Variants in ZNF626 observed in about 807,000 individuals in gnomAD.
The protein encoded by ZNF626 is CTC-513N18.7.
In ZNF626, 4 loss-of-function variants were observed where a neutral mutation model predicts 11.7. The observed-to-expected ratio is 0.34, with a 90% CI of 0.17 to 0.78. The LOEUF is 0.78. Ranked by LOEUF, ZNF626 falls within the 30% of genes least tolerant of loss-of-function variation. The pLI, the probability that ZNF626 is intolerant of heterozygous loss-of-function variation, is 0.57. For synonymous variants in ZNF626, 179 were observed against 198.6 expected (o/e 0.90, Z 0.83); for missense variants, 588 against 587.1 (o/e 1.00, Z -0.01).
Position 20,625,326 on chromosome 19 carries a change from T to G in ZNF626, c.551A>C (p.Gln184Pro), listed in dbSNP as rs2144762383. Residue 184 changes from glutamine to proline, a missense_variant, in exon 4 of 4, where the codon CAG (glutamine) becomes CCG (proline). Physicochemically the swap from Gln to Pro is moderately conservative, Grantham distance 76. Transcript: ENST00000601440. Reference sequence around the variant, plus strand: ...CTTATGTGTAGTAAGAGTTGAGAACTGCTTAAAAGCTTTGCCACATTCTAT... The same window carrying G: ...CTTATGTGTAGTAAGAGTTGAGAACGGCTTAAAAGCTTTGCCACATTCTAT... Reference protein sequence around the residue: ...KYIECGKAFKQFSTLTTHKKI... With the variant: ...KYIECGKAFKPFSTLTTHKKI... The G allele has an allele frequency of 6.2e-7, 1 of 1,613,648 alleles. No homozygotes were observed. The highest frequency in any genetic ancestry group is 8.5e-7 in the Non-Finnish European group (1 of 1,179,660).
intron 3 of ZNF626, among the ~76,000 whole-genome samples, chr19:20,627,247 A>G (rs868962053): frequency 3.3e-5 from 5 of 152,182 alleles, no homozygotes; most frequent in African/African-American, 1.2e-4. Context: ...ATTTGTAACA[A>G]ACACACATAC....
chr19:20,639,776 C>T (rs10407926), intron 3 of ZNF626, among the ~76,000 whole-genome samples: 30 of 152,146 alleles, frequency 2.0e-4, no homozygotes, highest in African/African-American at 7.0e-4. Flanking sequence ...TAAAATTACA[C>T]ACTGTGTGTT....
At chr19:20,625,758 A>G (rs760338953) in intron 3 of ZNF626, 108 bp from the exon 4 acceptor site, 2 of 1,116,974 alleles carry the variant, frequency 1.8e-6, no homozygotes, top group Non-Finnish European at 2.4e-6. Flanking sequence ...GCAAGATGAC[A>G]CAGGAAAATA....
At chr19:20,660,485 G>C (rs1315266837) in intron 1 of ZNF626, among the ~76,000 whole-genome samples, 1 of 152,060 alleles carries the variant, frequency 6.6e-6, no homozygotes, top group Non-Finnish European at 1.5e-5. Context: ...GGAGCGCGAT[G>C]ATTGGATCTC....
Position 20,625,293 on chromosome 19 carries a change from T to C in ZNF626, c.584A>G (p.His195Arg), listed in dbSNP as rs1402609225. ...ACATTTGTAGGGTTTCCCTCCAGTA[T>C]GAATTTTCTTATGTGTAGTAAGAGT... ...FSTLTTHKKI[H>R]TGGKPYKCEE... The change falls in exon 4 of 4, where the codon CAT becomes CGT. Residue 195 changes from histidine (H) to arginine (R), a missense_variant. By Grantham distance (29) the His-to-Arg change is conservative (BLOSUM62 0). Around this residue, in one of 4 missense-constraint regions of ZNF626, gnomAD observed 524 missense variants for 470.1 expected, o/e 1.11. Transcript: ENST00000601440. 7 of 1,613,924 alleles carry C rather than the reference T, an allele frequency of 4.3e-6. No homozygotes were observed. The South Asian group carries it at 4.4e-5, about 10-fold the overall frequency.
chr19:20,650,742 C>T (rs1555772515), intron 1 of ZNF626, among the ~76,000 whole-genome samples: 1 of 152,124 alleles, frequency 6.6e-6, no homozygotes, highest in African/African-American at 2.4e-5. Context: ...CTAAAATAAA[C>T]TTAAATCCCA....
intron 3 of ZNF626, chr19:20,644,973 T>C (rs1555771758): frequency 2.6e-5 from 4 of 152,478 alleles, no homozygotes; most frequent in African/African-American, 7.3e-5. Context: ...AATTTTAAAA[T>C]ATTTTGTCTA....
chr19:20,625,388 T>C lies in ZNF626; in HGVS notation c.489A>G (p.Gln163=), dbSNP rs781820296. Residue 163 remains glutamine, a synonymous_variant, in exon 4 of 4, where the codon CAA becomes CAG. Coordinates refer to ENST00000601440, the MANE Select transcript of ZNF626 (RefSeq NM_001076675.3). Reference sequence around the variant, plus strand: ...GTTTTTTCCCAGTATGTCCTCTCTTTTGTCCGTTTGAATTTGGAAATTGAT... The same window carrying C: ...GTTTTTTCCCAGTATGTCCTCTCTTCTGTCCGTTTGAATTTGGAAATTGAT... ...VLHQFPNSNG[Q]KRGHTGKKPF... 2.5e-6 allele frequency: 4 copies of C among 1,614,112 alleles called. No individual in the cohort carries two copies. The highest frequency in any genetic ancestry group is 3.3e-5 in the Admixed American group (2 of 59,972).
rs1970267902 is a variant in ZNF626, at chr19:20,661,493, T to C, written c.-47A>G. On this transcript the variant is annotated 5_prime_UTR_variant, in exon 1 of 4. Coordinates refer to ENST00000601440, the MANE Select transcript of ZNF626 (RefSeq NM_001076675.3). ...GGTGTCTTAGCTGTGGATCTCCCAA[T>C]ACCTGCAGGACACGGGGCCACACAG... is the stretch of plus-strand genomic sequence containing the variant. 1 of 1,610,778 alleles carries C rather than the reference T, an allele frequency of 6.2e-7. No individual in the cohort carries two copies. Among genetic ancestry groups the C allele is most frequent in the African/African-American group, 1.3e-5 (1 of 74,816 alleles).
chr19:20,654,055 A>G (rs11878759), intron 1 of ZNF626, among the ~76,000 whole-genome samples: 3,028 of 152,338 alleles, frequency 0.02, 112 homozygotes, highest in African/African-American at 0.069. Context: ...ATTTGGTTGT[A>G]AATATTCTTT....
intron 3 of ZNF626, among the ~76,000 whole-genome samples, chr19:20,640,382 G>C (rs1970011438): frequency 6.6e-6 from 1 of 151,150 alleles, no homozygotes; most frequent in Non-Finnish European, 1.5e-5. Flanking sequence ...TTAAATGCCT[G>C]AGCAACAAAT....
chr19:20,661,334 G>A lies in ZNF626; in HGVS notation c.3+110C>T, dbSNP rs1412583409. On this transcript the variant is annotated intron_variant, in intron 1 of 3. Transcript: ENST00000601440. Reference sequence around the variant, plus strand: ...CCGAGCTGAGCAAGGAGAACTGGGGGAGCAGACTGTGGAGCTGACTGCGGG... The same window carrying A: ...CCGAGCTGAGCAAGGAGAACTGGGGAAGCAGACTGTGGAGCTGACTGCGGG... The A allele has an allele frequency of 5.7e-6, 8 of 1,400,114 alleles. No individual in the cohort carries two copies. The Admixed American group carries it at 8.4e-5, about 15-fold the overall frequency. The allele number at this position is 1,400,114 out of a possible 1,614,324, so 86.7% of individuals were successfully genotyped here. A position where few individuals can be genotyped will look rare whatever the true frequency, so the allele number is the denominator to read the frequency against.
At chr19:20,643,275 A>G (rs1225318832) in intron 3 of ZNF626, among the ~76,000 whole-genome samples, 2 of 152,090 alleles carry the variant, frequency 1.3e-5, no homozygotes, top group Admixed American at 1.3e-4. Context: ...AGCAAAGAAT[A>G]GCCTTACATT....
chr19:20,635,306 T>A (rs11085368), intron 3 of ZNF626, among the ~76,000 whole-genome samples: 68,325 of 152,048 alleles, frequency 0.45, 16,616 homozygotes, highest in African/African-American at 0.64. Context: ...TAACAATGTC[T>A]ATATAATTAA....
At chr19:20,633,434 C>T (rs113459945) in intron 3 of ZNF626, among the ~76,000 whole-genome samples, 2 of 152,224 alleles carry the variant, frequency 1.3e-5, no homozygotes, top group African/African-American at 4.8e-5. Flanking sequence ...GGGCTCCACC[C>T]AGTTTGAGCT....
chr19:20,643,835 C>T (rs1358993691), intron 3 of ZNF626, among the ~76,000 whole-genome samples: 2 of 152,184 alleles, frequency 1.3e-5, no homozygotes, highest in East Asian at 3.9e-4. Flanking sequence ...ATAAGTGCCT[C>T]TAAGAGAGAT....
chr19:20,647,818 CAGA>C (rs1463024992), intron 1 of ZNF626, among the ~76,000 whole-genome samples: 1 of 151,974 alleles, frequency 6.6e-6, no homozygotes, highest in African/African-American at 2.4e-5. Flanking sequence ...CTAATGCACA[CAGA>C]AGAACACAGC....
intron 1 of ZNF626, among the ~76,000 whole-genome samples, chr19:20,648,108 G>A (rs184381459): frequency 6.7e-6 from 1 of 149,030 alleles, no homozygotes; most frequent in Non-Finnish European, 1.5e-5. Context: ...CCTGGGAGGT[G>A]AAGGTTGTGG....
At chr19:20,647,546 G>A (rs1300075975) in intron 1 of ZNF626, among the ~76,000 whole-genome samples, 3 of 147,896 alleles carry the variant, frequency 2.0e-5, no homozygotes, top group Admixed American at 6.9e-5. Flanking sequence ...GAGTGCAGTG[G>A]CGCAGTCTCG....
Sources: allele counts gnomAD v4.1 joint callset (sites outside exome capture counted in the v4.1 genomes callset), GRCh38; gene constraint gnomAD v4.1.1; regional missense constraint gnomAD v4.1.1; transcripts MANE v1.5; gene names NCBI Gene and HGNC (gene_info 2026-07-23, HGNC 2026-07-21).